The following CELSR3 variants were observed in gnomAD, a reference collection of about 807,000 sequenced individuals.
CELSR3 encodes cadherin EGF LAG seven-pass G-type receptor 3, also known as EGF-like protein 1.
Under a neutral mutation model 270.0 loss-of-function variants are expected in CELSR3, and 73 were observed. That is an observed-to-expected ratio of 0.27 (90% CI 0.22 to 0.33). CELSR3 has a LOEUF of 0.33. Among genes scored for constraint, CELSR3 ranks in the 10% least tolerant of loss-of-function variants. The probability of loss-of-function intolerance (pLI) is 1.00; values close to 1 mark genes in which losing one functional copy is unlikely to be tolerated. For missense variants in CELSR3, 3,614 were observed against 4,533.8 expected (o/e 0.80, Z 5.83); for synonymous variants, 1,780 against 1,905.4 (o/e 0.93, Z 1.71).
At chr3:48,648,238 G>GGCCCCCCCCCCCCCCC in intron 19 of CELSR3, 28 bp downstream of exon 19, 3 of 1,342,626 alleles carry the variant, frequency 2.2e-6, no homozygotes, top group Non-Finnish European at 3.2e-6. Context: ...CCCCTGCTGT[G>GGCCCCCCCCCCCCCCC]CCCCGCCCTA....
chr3:48,657,312 C>T lies in CELSR3; in HGVS notation c.3785G>A (p.Arg1262His), dbSNP rs1309202101. ...LHSVTAQCVL[R>H]VVIITEELLA... ...CAACTCCTCCGTGATGATGACCACG[C>T]GCAGCACACACTGCGCCGTCACGCT... The change falls in exon 2 of 35, where the codon CGC (arginine) becomes CAC (histidine). Residue 1262 changes from arginine to histidine, a missense_variant. This residue lies in a region of CELSR3 where 1,331 missense variants were observed against 1,933.7 expected (regional missense o/e 0.69). Coordinates refer to ENST00000164024, the MANE Select transcript of CELSR3 (RefSeq NM_001407.3). This position sits in a 1 kb window ranked among gnomAD's most constrained non-coding sequence, Gnocchi z 5.4. 1.2e-6 allele frequency: 2 copies of T among 1,608,846 alleles called. No homozygotes were observed. The highest frequency in any genetic ancestry group is 1.3e-5 in the African/African-American group (1 of 74,958).
Position 48,657,071 on chromosome 3 carries a change from A to G in CELSR3, c.4026T>C (p.Ala1342=). The G allele has an allele frequency of 6.2e-7, 1 of 1,613,666 alleles. No individual in the cohort carries two copies. Among genetic ancestry groups the G allele is most frequent in the Non-Finnish European group, 8.5e-7 (1 of 1,179,880 alleles). ...ALAPRGAGAG[A]AGPWFSSEEL... ...CCTCGGAGCTGAACCAGGGCCCTGC[A>G]GCGCCCGCCCCGGCCCCACGTGGAG... The change falls in exon 2 of 35, where the codon GCT becomes GCC. Residue 1342 remains alanine (A), a synonymous_variant. Coordinates refer to ENST00000164024, the MANE Select transcript of CELSR3 (RefSeq NM_001407.3). The surrounding 1 kb of genome is among the most constrained non-coding windows in gnomAD (Gnocchi z 5.4).
chr3:48,661,880 G>T lies in CELSR3; in HGVS notation c.755C>A (p.Ala252Glu). The change falls in exon 1 of 35, where the codon GCG becomes GAG. Residue 252 changes from alanine to glutamate, a missense_variant. Physicochemically the swap from Ala to Glu is moderately radical, Grantham distance 107 (BLOSUM62 -1). Transcript: ENST00000164024. ...GPELDSAPRT[A>E]RTAPASGSAP... ...TGAACCTGATGCAGGAGCTGTCCTC[G>T]CCGTGCGTGGTGCTGAATCCAGCTC... The T allele has an allele frequency of 6.2e-7, 1 of 1,611,278 alleles. No individual in the cohort carries two copies. Among genetic ancestry groups the T allele is most frequent in the East Asian group, 2.2e-5 (1 of 44,870 alleles).
Position 48,651,173 on chromosome 3 carries a change from C to A in CELSR3, c.6187-98G>T. ...GGTCAAGAGAACAGTGCTCATGGGC[C>A]AGAGGACACCTGGGTCATGCGTGAA... On this transcript the variant is annotated intron_variant, in intron 14 of 34. Coordinates refer to ENST00000164024, the MANE Select transcript of CELSR3 (RefSeq NM_001407.3). The surrounding 1 kb of genome is among the most constrained non-coding windows in gnomAD (Gnocchi z 7.4). 1 of 1,444,678 alleles carries A rather than the reference C, an allele frequency of 6.9e-7. No individual in the cohort carries two copies. Among genetic ancestry groups the A allele is most frequent in the Non-Finnish European group, 9.4e-7 (1 of 1,059,456 alleles). The allele number at this position is 1,444,678 out of a possible 1,614,324, so 89.5% of individuals were successfully genotyped here. A position where few individuals can be genotyped will look rare whatever the true frequency, so the allele number is the denominator to read the frequency against.
rs2046968130 is a variant in CELSR3 at position 48,636,540 on chromosome 3, T to C, written c.*1665A>G. The stretch of plus-strand genomic sequence containing the variant: ...TTACACAGACAGGAAAGAGGGCCGC[T>C]GGGCTGGAGGAGGGGAACCCCAGAG... On this transcript the variant is annotated 3_prime_UTR_variant, in exon 35 of 35. Coordinates refer to ENST00000164024, the MANE Select transcript of CELSR3 (RefSeq NM_001407.3). The C allele has an allele frequency of 1.3e-5, 2 of 152,182 alleles. No homozygotes were observed. The highest frequency in any genetic ancestry group is 1.3e-4 in the Admixed American group (2 of 15,270). 9.4% of individuals were successfully genotyped at this position (152,182 alleles called of 1,614,324 possible). A position where few individuals can be genotyped will look rare whatever the true frequency, so the allele number is the denominator to read the frequency against.
At chr3:48,649,506 G>A (rs756471382) in intron 16 of CELSR3, among the ~76,000 whole-genome samples, 1 of 152,218 alleles carries the variant, frequency 6.6e-6, no homozygotes, top group Non-Finnish European at 1.5e-5. Flanking sequence ...AGATGTGCTG[G>A]TTCACACAGA....
Position 48,646,071 on chromosome 3 carries a change from C to T in CELSR3, c.7463+19G>A. 1 of 1,611,368 alleles carries T rather than the reference C, an allele frequency of 6.2e-7. No individual in the cohort carries two copies. Among genetic ancestry groups the T allele is most frequent in the East Asian group, 2.2e-5 (1 of 44,856 alleles). On this transcript the variant is annotated intron_variant, in intron 22 of 34. Transcript: ENST00000164024. This position sits in a 1 kb window ranked among gnomAD's most constrained non-coding sequence, Gnocchi z 4.8. ...CAAGGGCTAACGGGACCAAGGGTTT[C>T]CAGAATGGGGGTCCTCACAGGCCAG...
rs2077034793 is a variant in CELSR3 at position 48,657,842 on chromosome 3, C to T, written c.3749-494G>A. Among the ~76,000 whole-genome samples the T allele has an allele frequency of 6.6e-6, 1 of 152,202 alleles. No homozygotes were observed. Among genetic ancestry groups the T allele is most frequent in the South Asian group, 2.1e-4 (1 of 4,830 alleles). On this transcript the variant is annotated intron_variant, in intron 1 of 34. Coordinates refer to ENST00000164024, the MANE Select transcript of CELSR3 (RefSeq NM_001407.3). The surrounding 1 kb of genome is among the most constrained non-coding windows in gnomAD (Gnocchi z 5.4). ...AGAAGGGTTCCAGATCAGGGATCAC[C>T]TATCTCCTATTTTTGGTCAGCAAAT...
Position 48,644,338 on chromosome 3 carries a change from G to A in CELSR3, c.8086-43C>T, listed in dbSNP as rs937307937. The stretch of plus-strand genomic sequence containing the variant: ...CATGTGGGGCCGGGCAGGGCAGAGA[G>A]AGAGAGAGAGAGAGAGGCAATGAGA... On this transcript the variant is annotated intron_variant, in intron 26 of 34. Coordinates refer to ENST00000164024, the MANE Select transcript of CELSR3 (RefSeq NM_001407.3). This position sits in a 1 kb window ranked among gnomAD's most constrained non-coding sequence, Gnocchi z 4.8. The A allele has an allele frequency of 1.5e-5, 21 of 1,405,704 alleles. No individual in the cohort carries two copies. Among genetic ancestry groups the A allele is most frequent in the Non-Finnish European group, 2.0e-5 (20 of 1,016,342 alleles). The allele number at this position is 1,405,704 out of a possible 1,614,324, so 87.1% of individuals were successfully genotyped here.
In CELSR3 at chr3:48,651,822, A is replaced by G. The variant is rs572728206; in HGVS notation, c.5923+55T>C. Reference sequence around the variant, plus strand: ...TCCTTCAGGTTCCCCAGTCTTCATCATGGGCCCCTAACGCCTGCCCAGGTC... The same window carrying G: ...TCCTTCAGGTTCCCCAGTCTTCATCGTGGGCCCCTAACGCCTGCCCAGGTC... On this transcript the variant is annotated intron_variant, in intron 12 of 34. Transcript: ENST00000164024. This position sits in a 1 kb window ranked among gnomAD's most constrained non-coding sequence, Gnocchi z 7.4. 2.1e-4 allele frequency: 333 copies of G among 1,556,762 alleles called. No individual in the cohort carries two copies. Among genetic ancestry groups the G allele is most frequent in the Admixed American group, 8.2e-4 (41 of 49,918 alleles).
Position 48,655,250 on chromosome 3 carries a change from GAGC to G in CELSR3, c.4831-52_4831-50del. 6.2e-7 allele frequency: 1 copy of G among 1,614,002 alleles called. No homozygotes were observed. The highest frequency in any genetic ancestry group is 1.1e-5 in the South Asian group (1 of 91,076). On this transcript the variant is annotated intron_variant, in intron 5 of 34. Transcript: ENST00000164024. This position sits in a 1 kb window ranked among gnomAD's most constrained non-coding sequence, Gnocchi z 5.8. ...AACAGTGCCCCCAGTAACCCCTGAGGAGCAGAAGTCAGCATCCCAACTCCCCTC... is the reference window on the plus strand; with the variant it reads ...AACAGTGCCCCCAGTAACCCCTGAGGAGAAGTCAGCATCCCAACTCCCCTC...
rs763465540 is a variant in CELSR3 at position 48,648,342 on chromosome 3, C to G, written c.6897G>C (p.Glu2299Asp). Residue 2299 changes from glutamate (E) to aspartate (D), a missense_variant, in exon 19 of 35, where the codon GAG (glutamate) becomes GAC (aspartate). Physicochemically the swap from Glu to Asp is conservative, Grantham distance 45. Coordinates refer to ENST00000164024, the MANE Select transcript of CELSR3 (RefSeq NM_001407.3). ...PGSAGLVRHL[E>D]EYAATLARNM... ...TCCTTGCGAGTGTGGCTGCATACTC[C>G]TCCAGGTGCCTCACCAGTCCCGCGC... 6.2e-7 allele frequency: 1 copy of G among 1,612,402 alleles called. No homozygotes were observed. Among genetic ancestry groups the G allele is most frequent in the Non-Finnish European group, 8.5e-7 (1 of 1,179,816 alleles).
Position 48,650,164 on chromosome 3 carries a change from G to A in CELSR3, c.6472+316C>T, listed in dbSNP as rs545288884. 7.9e-6 allele frequency: 4 copies of A among 506,688 alleles called. No individual in the cohort carries two copies. The highest frequency in any genetic ancestry group is 2.3e-5 in the Admixed American group (1 of 43,972). 31.4% of individuals were successfully genotyped at this position (506,688 alleles called of 1,614,324 possible). On this transcript the variant is annotated intron_variant, in intron 16 of 34. Transcript: ENST00000164024. This position sits in a 1 kb window ranked among gnomAD's most constrained non-coding sequence, Gnocchi z 5.1. ...CAGATAGCCAGAAGGGGCCTGCAGG[G>A]ACTTTAGGCAGCAGGGAGGGGTCTG...
In CELSR3 at chr3:48,640,235, C is replaced by G; in HGVS notation, c.9350G>C (p.Arg3117Pro). The change falls in exon 34 of 35, where the codon CGG becomes CCG. Residue 3117 changes from arginine to proline, a missense_variant. By Grantham distance (103) the Arg-to-Pro change is moderately radical. Transcript: ENST00000164024. The surrounding 1 kb of genome is among the most constrained non-coding windows in gnomAD (Gnocchi z 7.5). ...CTGCCTCCGTGGCAGGGTGCTGCCC[C>G]GATCTTTGGGCTCCAGTCGGCCTGG... ...AAPGRLEPKD[R>P]GSTLPRRQPP... The G allele has an allele frequency of 6.2e-7, 1 of 1,612,750 alleles. No homozygotes were observed. Among genetic ancestry groups the G allele is most frequent in the Non-Finnish European group, 8.5e-7 (1 of 1,179,918 alleles).
intron 17 of CELSR3, 28 bp downstream of exon 17, chr3:48,649,093 T>C (rs1052362559): frequency 5.6e-6 from 9 of 1,599,544 alleles, no homozygotes; most frequent in Non-Finnish European, 7.7e-6. Context: ...AGGTCTTAGG[T>C]TGCAGGAAAA....
Position 48,654,798 on chromosome 3 carries a change from G to A in CELSR3, c.4988+246C>T, listed in dbSNP as rs879609142. ...GATGTGGGACATTAGTGAGACTGGG[G>A]TGGGGAGGTGGAGGCTTTGGAGGAC... On this transcript the variant is annotated intron_variant, in intron 6 of 34. Transcript: ENST00000164024. The surrounding 1 kb of genome is among the most constrained non-coding windows in gnomAD (Gnocchi z 5.4). Among the ~76,000 whole-genome samples, 4 of 151,930 alleles carry A rather than the reference G, an allele frequency of 2.6e-5. No homozygotes were observed. Among genetic ancestry groups the A allele is most frequent in the Non-Finnish European group, 5.9e-5 (4 of 67,956 alleles).
In CELSR3 at chr3:48,655,139, G is replaced by T. The variant is rs774824972; in HGVS notation, c.4893C>A (p.Ser1631Arg). 1 of 1,613,976 alleles carries T rather than the reference G, an allele frequency of 6.2e-7. No homozygotes were observed. Among genetic ancestry groups the T allele is most frequent in the Admixed American group, 1.7e-5 (1 of 59,996 alleles). ...CCACGGCCACATCACAATCATCCAC[G>T]CTTAGCACAGCCACCTTGTCCTTGG... ...GPSKDKVAVLSVDDCDVAVAL... is the reference protein window; with the variant it reads ...GPSKDKVAVLRVDDCDVAVAL... Residue 1631 changes from serine (S) to arginine (R), a missense_variant, in exon 6 of 35, where the codon AGC (serine) becomes AGA (arginine). Ser to Arg is a moderately radical substitution (Grantham distance 110). This residue lies in a region of CELSR3 where 1,331 missense variants were observed against 1,933.7 expected (regional missense o/e 0.69). Transcript: ENST00000164024. This position sits in a 1 kb window ranked among gnomAD's most constrained non-coding sequence, Gnocchi z 5.8.
Position 48,655,593 on chromosome 3 carries a change from G to T in CELSR3, c.4741+143C>A. The T allele has an allele frequency of 1.1e-6, 1 of 881,158 alleles. No homozygotes were observed. Among genetic ancestry groups the T allele is most frequent in the Non-Finnish European group, 1.8e-6 (1 of 543,290 alleles). 54.6% of individuals were successfully genotyped at this position (881,158 alleles called of 1,614,324 possible). ...TTGGAGGGAGGGACCTTCCCACAGG[G>T]AATGGCCAAGGAGCTAGGTCTTCAG... is the stretch of plus-strand genomic sequence containing the variant. On this transcript the variant is annotated intron_variant, in intron 4 of 34. Coordinates refer to ENST00000164024, the MANE Select transcript of CELSR3 (RefSeq NM_001407.3). This position sits in a 1 kb window ranked among gnomAD's most constrained non-coding sequence, Gnocchi z 5.8.
At position 48,650,610 on chromosome 3, in the gene CELSR3, C is replaced by G. The variant is rs1575542542; in HGVS notation, c.6371-29G>C. 1 of 1,574,656 alleles carries G rather than the reference C, an allele frequency of 6.4e-7. No homozygotes were observed. Among genetic ancestry groups the G allele is most frequent in the South Asian group, 1.2e-5 (1 of 86,786 alleles). ...GAGAGAGAAGAGGTGCTGAGCCAGG[C>G]AGTCAGGGTACAGGGCAGTTGACAG... On this transcript the variant is annotated intron_variant, in intron 15 of 34. Coordinates refer to ENST00000164024, the MANE Select transcript of CELSR3 (RefSeq NM_001407.3). This position sits in a 1 kb window ranked among gnomAD's most constrained non-coding sequence, Gnocchi z 5.1.
Sources: allele counts gnomAD v4.1 joint callset (sites outside exome capture counted in the v4.1 genomes callset), GRCh38; gene constraint gnomAD v4.1.1; regional missense constraint gnomAD v4.1.1; non-coding constraint Gnocchi (gnomAD v3.1); transcripts MANE v1.5; gene names NCBI Gene and HGNC (gene_info 2026-07-23, HGNC 2026-07-21).